Variants in ARMC7 observed in about 807,000 individuals in gnomAD.
ARMC7 encodes the protein armadillo repeat-containing protein 7.
A neutral mutation model predicts 14.8 loss-of-function variants in ARMC7; 9 were observed. That is an observed-to-expected ratio of 0.61 (90% CI 0.37 to 1.06). ARMC7 has a LOEUF of 1.06. ARMC7 is among the 50% of genes least tolerant of loss of function. The pLI is 0.01. For synonymous variants in ARMC7, 125 were observed against 123.4 expected, an observed-to-expected ratio of 1.01 and a Z score of -0.09; for missense variants, 262 against 267.1, an observed-to-expected ratio of 0.98 and a Z score of 0.13.
rs11868212 is a variant in ARMC7, at chr17:75,120,947, C to T, written c.236-7730C>T. 6.1e-3 allele frequency among the ~76,000 whole-genome samples: 921 copies of T among 152,122 alleles called. 8 individuals are homozygous for T. Among genetic ancestry groups the T allele is most frequent in the African/African-American group, 0.02 (815 of 41,466 alleles). On this transcript the variant is annotated intron_variant, in intron 2 of 2. Transcript: ENST00000245543. ...CATGTAAGCAGCTCCTAAACCAAGA[C>T]GTAGAAACTCCCTTCACACCCACGC...
intron 2 of ARMC7, among the ~76,000 whole-genome samples, chr17:75,125,733 C>G (rs1467133926): frequency 6.6e-6 from 1 of 152,124 alleles, no homozygotes; most frequent in Non-Finnish European, 1.5e-5. Context: ...ATCCCAGCTA[C>G]TTGGGAGGCT....
Position 75,129,749 on chromosome 17 carries a change from G to A in ARMC7, c.*711G>A, listed in dbSNP as rs1254370086. ...CACAAGGCCATGCAGGTGATGATAC[G>A]TCGGAATAGAGGCACCAGCCCTGGT... On this transcript the variant is annotated 3_prime_UTR_variant, in exon 3 of 3. Transcript: ENST00000245543. The A allele has an allele frequency of 6.6e-6, 1 of 152,510 alleles. No homozygotes were observed. The highest frequency in any genetic ancestry group is 2.4e-5 in the African/African-American group (1 of 41,438). 9.4% of individuals were successfully genotyped at this position (152,510 alleles called of 1,614,324 possible).
intron 2 of ARMC7, among the ~76,000 whole-genome samples, chr17:75,121,364 A>T (rs1157084516): frequency 6.6e-6 from 1 of 152,162 alleles, no homozygotes; most frequent in Non-Finnish European, 1.5e-5. Context: ...ACGTAGTTAC[A>T]CCAGGTTATG....
At chr17:75,112,306 A>G (rs1175180507) in intron 2 of ARMC7, among the ~76,000 whole-genome samples, 1 of 152,150 alleles carries the variant, frequency 6.6e-6, no homozygotes, top group African/African-American at 2.4e-5. Flanking sequence ...TTTTCAAGCA[A>G]TGCAGTGCCC....
At chr17:75,117,493 TACAG>T (rs1412667413) in intron 2 of ARMC7, among the ~76,000 whole-genome samples, 3 of 152,170 alleles carry the variant, frequency 2.0e-5, no homozygotes, top group African/African-American at 7.2e-5. Flanking sequence ...AGGCAGAGGT[TACAG>T]ACAAAGTTTT....
In ARMC7 at chr17:75,115,684, C is replaced by T. The variant is rs572965428; in HGVS notation, c.235+5078C>T. Among the ~76,000 whole-genome samples the T allele has an allele frequency of 3.3e-5, 5 of 152,242 alleles. No individual in the cohort carries two copies. The East Asian group carries it at 9.6e-4, about 29-fold the overall frequency. ...GAGCAGCCTGGGCAACATAGCAAAA[C>T]CCTGTCCCTACAAAAACAAACAAAA... On this transcript the variant is annotated intron_variant, in intron 2 of 2. Coordinates refer to ENST00000245543, the MANE Select transcript of ARMC7 (RefSeq NM_024585.4).
chr17:75,125,798 C>G (rs1026569714), intron 2 of ARMC7, among the ~76,000 whole-genome samples: 1 of 152,110 alleles, frequency 6.6e-6, no homozygotes, highest in Admixed American at 6.5e-5. Flanking sequence ...GAGCCGAGAT[C>G]GCGCCACTTC....
intron 2 of ARMC7, among the ~76,000 whole-genome samples, chr17:75,127,814 C>T (rs1222541883): frequency 6.6e-6 from 1 of 152,162 alleles, no homozygotes; most frequent in Non-Finnish European, 1.5e-5. Context: ...AGGCTGGTCT[C>T]GAATTCCTGG....
intron 2 of ARMC7, among the ~76,000 whole-genome samples, chr17:75,123,836 G>A (rs913321922): frequency 6.6e-6 from 1 of 151,994 alleles, no homozygotes; most frequent in African/African-American, 2.4e-5. Flanking sequence ...GCTTGAACCC[G>A]GGAGGCGGAG....
chr17:75,114,856 C>T (rs1013565167), intron 2 of ARMC7: 2 of 396,618 alleles, frequency 5.0e-6, no homozygotes, highest in Non-Finnish European at 4.4e-6. Context: ...TTATGCATGA[C>T]TGAGAAGGAG....
intron 2 of ARMC7, among the ~76,000 whole-genome samples, chr17:75,121,300 A>G (rs988473668): frequency 6.6e-6 from 1 of 152,222 alleles, no homozygotes. Context: ...GGAGTTGCTC[A>G]GTCCTAGGGT....
At chr17:75,113,163 A>G (rs2073942493) in intron 2 of ARMC7, among the ~76,000 whole-genome samples, 1 of 149,310 alleles carries the variant, frequency 6.7e-6, no homozygotes, top group South Asian at 2.1e-4. Flanking sequence ...GTATGGGATT[A>G]TAGGCGCCCG....
Position 75,110,327 on chromosome 17 carries a change from G to A in ARMC7, c.39G>A (p.Arg13=). ...QKPKVDPHVG[R]LGYLQALVTE... ...CGAAGGTGGACCCCCACGTCGGGCG[G>A]CTGGGATACCTGCAGGCGCTGGTCA... Residue 13 remains arginine (R), a synonymous_variant, in exon 1 of 3, where the codon CGG becomes CGA. Coordinates refer to ENST00000245543, the MANE Select transcript of ARMC7 (RefSeq NM_024585.4). 1 of 1,613,750 alleles carries A rather than the reference G, an allele frequency of 6.2e-7. No homozygotes were observed. Among genetic ancestry groups the A allele is most frequent in the Non-Finnish European group, 8.5e-7 (1 of 1,180,024 alleles).
chr17:75,126,794 C>T (rs2074054716), intron 2 of ARMC7, among the ~76,000 whole-genome samples: 1 of 152,106 alleles, frequency 6.6e-6, no homozygotes, highest in Non-Finnish European at 1.5e-5. Context: ...GGCACAGTGG[C>T]TCATGCCTGT....
chr17:75,121,355 C>T (rs374881756), intron 2 of ARMC7, among the ~76,000 whole-genome samples: 6 of 152,176 alleles, frequency 3.9e-5, no homozygotes, highest in African/African-American at 1.4e-4. Flanking sequence ...TCACTTTCCA[C>T]GTAGTTACAC....
At chr17:75,125,050 G>A (rs867477457) in intron 2 of ARMC7, among the ~76,000 whole-genome samples, 3 of 152,318 alleles carry the variant, frequency 2.0e-5, no homozygotes, top group Middle Eastern at 3.4e-3. Flanking sequence ...GGGGAGAGGC[G>A]CTCAGTCAGG....
At chr17:75,114,118 G>C in intron 2 of ARMC7, 1 of 401,256 alleles carries the variant, frequency 2.5e-6, no homozygotes, top group Non-Finnish European at 4.4e-6. Flanking sequence ...TAAAAAGTTG[G>C]TCTCTAAAAC....
At chr17:75,125,215 G>C (rs1302139063) in intron 2 of ARMC7, among the ~76,000 whole-genome samples, 1 of 152,234 alleles carries the variant, frequency 6.6e-6, no homozygotes, top group Non-Finnish European at 1.5e-5. Context: ...GAGCCACACT[G>C]TCCAGCCCCC....
chr17:75,126,513 C>T (rs1164399734), intron 2 of ARMC7, among the ~76,000 whole-genome samples: 6 of 152,154 alleles, frequency 3.9e-5, no homozygotes, highest in Admixed American at 1.3e-4. Flanking sequence ...CATTAATCTA[C>T]AATCACTGCA....
Sources: allele counts gnomAD v4.1 joint callset (sites outside exome capture counted in the v4.1 genomes callset), GRCh38; gene constraint gnomAD v4.1.1; transcripts MANE v1.5; gene names NCBI Gene and HGNC (gene_info 2026-07-23, HGNC 2026-07-21).